The following CLSTN2 variants were observed in gnomAD, a reference collection of about 807,000 sequenced individuals.
The protein encoded by CLSTN2 is calsyntenin 2.
CLSTN2 carries 48 observed loss-of-function variants against 101.2 expected under a neutral mutation model. The ratio of observed to expected loss-of-function variants is 0.47; its 90% CI spans 0.38 to 0.60. The LOEUF is 0.60. Ranked by LOEUF, CLSTN2 falls within the 20% of genes least tolerant of loss-of-function variation. The pLI, the probability that CLSTN2 is intolerant of heterozygous loss-of-function variation, is 0.00. For synonymous variants in CLSTN2, 481 were observed against 463.6 expected (o/e 1.04, Z -0.48); for missense variants, 1,160 against 1,238.2 (o/e 0.94, Z 0.95).
intron 2 of CLSTN2, among the ~76,000 whole-genome samples, chr3:140,310,991 C>G (rs528804131): frequency 1.4e-4 from 21 of 152,120 alleles, no homozygotes; most frequent in Non-Finnish European, 2.6e-4. Context: ...AAGGAACGGC[C>G]TGTGTAAAGG....
At chr3:140,086,268 T>C (rs2008679323) in intron 1 of CLSTN2, among the ~76,000 whole-genome samples, 1 of 152,172 alleles carries the variant, frequency 6.6e-6, no homozygotes, top group Non-Finnish European at 1.5e-5. Context: ...ATGTCTGCTA[T>C]GGGAATGGGA....
intron 1 of CLSTN2, among the ~76,000 whole-genome samples, chr3:140,022,000 A>G (rs2007328376): frequency 6.6e-6 from 1 of 152,172 alleles, no homozygotes; most frequent in Non-Finnish European, 1.5e-5. Context: ...ACAGGAAGTC[A>G]CCTGGAAAGA....
At chr3:140,005,482 C>T (rs997354094) in intron 1 of CLSTN2, among the ~76,000 whole-genome samples, 1 of 152,148 alleles carries the variant, frequency 6.6e-6, no homozygotes. Flanking sequence ...TCACCCCCTG[C>T]CCACCAGGAC....
chr3:140,267,211 C>G (rs2086700455), intron 2 of CLSTN2, among the ~76,000 whole-genome samples: 4 of 152,158 alleles, frequency 2.6e-5, no homozygotes, highest in African/African-American at 9.7e-5. Context: ...CTTAACCCAC[C>G]AAGGTTTTGT....
intron 1 of CLSTN2, among the ~76,000 whole-genome samples, chr3:139,942,169 A>G (rs1935142698): frequency 6.6e-6 from 1 of 152,304 alleles, no homozygotes; most frequent in South Asian, 2.1e-4. Flanking sequence ...CTTGCTGTCC[A>G]AGAATATTTG....
At chr3:140,107,258 C>T (rs538403492) in intron 1 of CLSTN2, among the ~76,000 whole-genome samples, 15 of 152,132 alleles carry the variant, frequency 9.9e-5, no homozygotes, top group African/African-American at 2.9e-4. Context: ...CTGTCCTTTG[C>T]GGTCTTTAAT....
chr3:139,939,760 T>C (rs985416352), intron 1 of CLSTN2, among the ~76,000 whole-genome samples: 2 of 152,232 alleles, frequency 1.3e-5, no homozygotes, highest in African/African-American at 4.8e-5. Context: ...TGGATTGTTC[T>C]AAGTCATCTT....
intron 2 of CLSTN2, among the ~76,000 whole-genome samples, chr3:140,287,887 A>G (rs140416072): frequency 5.9e-5 from 9 of 152,300 alleles, no homozygotes; most frequent in African/African-American, 1.9e-4. Flanking sequence ...ATCTGAAAGC[A>G]TGCCCCAGTG....
At chr3:140,313,159 C>T (rs976406484) in intron 2 of CLSTN2, among the ~76,000 whole-genome samples, 4 of 151,912 alleles carry the variant, frequency 2.6e-5, no homozygotes, top group Non-Finnish European at 4.4e-5. Context: ...TAGAAAAGTC[C>T]CCCCCAAAAA....
intron 1 of CLSTN2, among the ~76,000 whole-genome samples, chr3:139,999,441 A>G (rs1317418990): frequency 6.6e-6 from 1 of 151,936 alleles, no homozygotes; most frequent in Non-Finnish European, 1.5e-5. Context: ...TGGGGAACTG[A>G]TCCAGCATCC....
intron 5 of CLSTN2, among the ~76,000 whole-genome samples, chr3:140,430,733 A>G (rs566953678): frequency 1.8e-4 from 27 of 152,358 alleles, no homozygotes; most frequent in African/African-American, 5.8e-4. Flanking sequence ...ATATTTAGAC[A>G]GAGGCAAAGA....
intron 1 of CLSTN2, among the ~76,000 whole-genome samples, chr3:140,120,651 A>AAAACAT (rs2009325838): frequency 6.6e-6 from 1 of 152,188 alleles, no homozygotes; most frequent in Non-Finnish European, 1.5e-5. Flanking sequence ...AAAGACACAC[A>AAAACAT]AAACATCGTA....
chr3:140,377,022 C>G (rs76643895), intron 2 of CLSTN2, among the ~76,000 whole-genome samples: 3 of 148,722 alleles, frequency 2.0e-5, no homozygotes, highest in Non-Finnish European at 4.4e-5. Flanking sequence ...CACACATACA[C>G]AGAGAGAGAG....
intron 1 of CLSTN2, among the ~76,000 whole-genome samples, chr3:140,170,482 C>G (rs1017726322): frequency 6.6e-6 from 1 of 152,174 alleles, no homozygotes; most frequent in Non-Finnish European, 1.5e-5. Flanking sequence ...TTAAATCCCT[C>G]TAAGCCTCAG....
At chr3:140,057,244 G>A (rs1277271178) in intron 1 of CLSTN2, among the ~76,000 whole-genome samples, 1 of 152,234 alleles carries the variant, frequency 6.6e-6, no homozygotes, top group Non-Finnish European at 1.5e-5. Context: ...CTGGAGCTGA[G>A]ACTTGAGCCC....
chr3:140,025,462 G>A (rs865917718), intron 1 of CLSTN2, among the ~76,000 whole-genome samples: 23 of 152,246 alleles, frequency 1.5e-4, no homozygotes, highest in Admixed American at 4.6e-4. Flanking sequence ...TCAGCTTTCC[G>A]TCTGTAGAAA....
At chr3:140,321,708 G>A (rs1321720373) in intron 2 of CLSTN2, among the ~76,000 whole-genome samples, 2 of 152,160 alleles carry the variant, frequency 1.3e-5, no homozygotes, top group Non-Finnish European at 2.9e-5. Flanking sequence ...TAAGAAGGCA[G>A]TTAGGAGGCA....
intron 1 of CLSTN2, among the ~76,000 whole-genome samples, chr3:140,174,772 T>G (rs935938710): frequency 6.6e-6 from 1 of 152,160 alleles, no homozygotes; most frequent in Non-Finnish European, 1.5e-5. Flanking sequence ...TATCTGCTAC[T>G]GGGTCCCTCC....
At chr3:140,209,940 G>A (rs1029773136) in intron 2 of CLSTN2, among the ~76,000 whole-genome samples, 3 of 152,130 alleles carry the variant, frequency 2.0e-5, no homozygotes, top group Non-Finnish European at 4.4e-5. Context: ...GGCCATTCAG[G>A]TGCTCATACA....
Sources: gnomAD v4.1 joint callset for allele counts (sites outside exome capture counted in the v4.1 genomes callset) on GRCh38, gnomAD v4.1.1 for gene constraint, MANE v1.5 for transcripts, NCBI Gene and HGNC (gene_info 2026-07-23, HGNC 2026-07-21) for gene names.